Variants in PARD3B observed in about 807,000 individuals in gnomAD.
PARD3B encodes the protein par-3 family cell polarity regulator beta, also known as partitioning defective 3 homolog B.
Under a neutral mutation model 130.2 loss-of-function variants are expected in PARD3B, and 103 were observed. The observed-to-expected ratio is 0.79, with a 90% CI of 0.67 to 0.93. The LOEUF is 0.93. Ranked by LOEUF, PARD3B falls within the 40% of genes least tolerant of loss-of-function variation. The probability of loss-of-function intolerance (pLI) is 0.00; values close to 1 mark genes in which losing one functional copy is unlikely to be tolerated. For missense variants in PARD3B, 1,609 were observed against 1,499.2 expected, an observed-to-expected ratio of 1.07 and a Z score of -1.21; for synonymous variants, 583 against 553.2, an observed-to-expected ratio of 1.05 and a Z score of -0.76.
intron 2 of PARD3B, among the ~76,000 whole-genome samples, chr2:204,960,406 A>T (rs1369497068): frequency 6.6e-6 from 1 of 152,164 alleles, no homozygotes; most frequent in African/African-American, 2.4e-5. Context: ...TTGGAGTATG[A>T]TGTGGCAGAA....
At chr2:205,064,033 A>C (rs982196012) in intron 4 of PARD3B, among the ~76,000 whole-genome samples, 1 of 152,192 alleles carries the variant, frequency 6.6e-6, no homozygotes, top group African/African-American at 2.4e-5. Flanking sequence ...ATTAGTTGGA[A>C]AAGATACTGG....
chr2:205,118,706 G>T (rs1353932033), intron 6 of PARD3B, among the ~76,000 whole-genome samples: 1 of 152,166 alleles, frequency 6.6e-6, no homozygotes, highest in Non-Finnish European at 1.5e-5. Context: ...ATTGATGTTG[G>T]TACTTATGCA....
intron 2 of PARD3B, among the ~76,000 whole-genome samples, chr2:204,803,915 A>G (rs1173944233): frequency 1.3e-5 from 2 of 152,166 alleles, no homozygotes; most frequent in Non-Finnish European, 2.9e-5. Flanking sequence ...CAGATTTGCT[A>G]GGTGGGTTGA....
At chr2:205,051,753 A>C (rs979630527) in intron 4 of PARD3B, among the ~76,000 whole-genome samples, 1 of 152,206 alleles carries the variant, frequency 6.6e-6, no homozygotes, top group Non-Finnish European at 1.5e-5. Flanking sequence ...AAGGGCTTAA[A>C]TTAGAAAAAT....
chr2:205,114,186 G>A (rs995507404), intron 6 of PARD3B, among the ~76,000 whole-genome samples: 34 of 152,040 alleles, frequency 2.2e-4, no homozygotes, highest in African/African-American at 7.5e-4. Context: ...AAATGGCATT[G>A]TAGATCGTAT....
In PARD3B at chr2:204,626,128, A is replaced by G. The variant is rs566594615; in HGVS notation, c.121-60053A>G. ...CTTAAAATTTGGTAGGTGAACAATTAGAAGTAGTAATCCCCATGGACTGAC... is the reference window on the plus strand; with the variant it reads ...CTTAAAATTTGGTAGGTGAACAATTGGAAGTAGTAATCCCCATGGACTGAC... On this transcript the variant is annotated intron_variant, in intron 1 of 22. Transcript: ENST00000406610. 3.3e-5 allele frequency among the ~76,000 whole-genome samples: 5 copies of G among 152,278 alleles called. No individual in the cohort carries two copies. In the South Asian group the frequency reaches 1.0e-3, roughly 32 times the overall value.
intron 6 of PARD3B, among the ~76,000 whole-genome samples, chr2:205,117,751 C>T (rs993642056): frequency 6.6e-6 from 1 of 152,198 alleles, no homozygotes; most frequent in African/African-American, 2.4e-5. Flanking sequence ...TCTTGCAGGA[C>T]ATATCTATCT....
rs914031085 is a variant in PARD3B, at chr2:205,160,823, T to C, written c.1620+1916T>C. On this transcript the variant is annotated intron_variant, in intron 11 of 22. Coordinates refer to ENST00000406610, the MANE Select transcript of PARD3B (RefSeq NM_001302769.2). This position sits in a 1 kb window ranked among gnomAD's most constrained non-coding sequence, Gnocchi z 4.0. ...ATTACAGATTAGACCCTTTAGTGCC[T>C]TTCCTGTGGTCAGATAGCCAGGAAT... 2.0e-5 allele frequency among the ~76,000 whole-genome samples: 3 copies of C among 152,204 alleles called. No homozygotes were observed. Among genetic ancestry groups the C allele is most frequent in the Non-Finnish European group, 2.9e-5 (2 of 68,044 alleles).
rs1035199006 is a variant in PARD3B at position 204,770,095 on chromosome 2, AG to A, written c.222+83816del. Among the ~76,000 whole-genome samples the A allele has an allele frequency of 1.1e-4, 3 of 26,142 alleles. 1 individual carries two copies. The East Asian group carries it at 5.7e-3, about 49-fold the overall frequency. The allele number at this position is 26,142 out of a possible 152,430, so 17.2% of individuals were successfully genotyped here. A position where few individuals can be genotyped will look rare whatever the true frequency, so the allele number is the denominator to read the frequency against. On this transcript the variant is annotated intron_variant, in intron 2 of 22. Coordinates refer to ENST00000406610, the MANE Select transcript of PARD3B (RefSeq NM_001302769.2). ...TTCTAGTTCTTTTAATTGTGATGTT[AG>A]GGTGTCAATTTTGGATCTTTCCTGC... is the stretch of plus-strand genomic sequence containing the variant.
In PARD3B at chr2:205,166,181, A is replaced by G. The variant is rs1189730911; in HGVS notation, c.1621-6030A>G. ...TTCTATAATCTAGGAAGGTAGTAAC[A>G]CAATACATTAAATATATAAAAAACA... On this transcript the variant is annotated intron_variant, in intron 11 of 22. Transcript: ENST00000406610. Among the ~76,000 whole-genome samples the G allele has an allele frequency of 2.0e-5, 3 of 152,246 alleles. No individual in the cohort carries two copies. The East Asian group carries it at 5.8e-4, about 29-fold the overall frequency.
intron 18 of PARD3B, among the ~76,000 whole-genome samples, chr2:205,363,758 G>A (rs761572984): frequency 1.3e-4 from 19 of 151,446 alleles, no homozygotes; most frequent in South Asian, 2.1e-4. Flanking sequence ...TCCGCCTCCC[G>A]GGTTCAAGCA....
intron 21 of PARD3B, among the ~76,000 whole-genome samples, chr2:205,508,017 C>A (rs981508372): frequency 1.3e-5 from 2 of 152,150 alleles, no homozygotes; most frequent in Non-Finnish European, 2.9e-5. Context: ...CAATTCACCC[C>A]AGAACGATCT....
intron 4 of PARD3B, among the ~76,000 whole-genome samples, chr2:205,095,341 C>T (rs1309017480): frequency 1.3e-5 from 2 of 152,076 alleles, no homozygotes; most frequent in South Asian, 2.1e-4. Flanking sequence ...TTGTTTTCCA[C>T]TCTTTTCAGC....
chr2:204,935,380 A>G (rs1183036426), intron 2 of PARD3B, among the ~76,000 whole-genome samples: 1 of 148,700 alleles, frequency 6.7e-6, no homozygotes. Flanking sequence ...ATACAAAAAA[A>G]AAAAAAAAAT....
At chr2:205,330,834 A>G (rs923002056) in intron 18 of PARD3B, among the ~76,000 whole-genome samples, 1 of 152,204 alleles carries the variant, frequency 6.6e-6, no homozygotes, top group East Asian at 1.9e-4. Context: ...GGAAGGAGGT[A>G]GGGAAGAGTT....
intron 1 of PARD3B, among the ~76,000 whole-genome samples, chr2:204,593,068 T>G (rs1264829487): frequency 6.6e-6 from 1 of 152,234 alleles, no homozygotes; most frequent in Non-Finnish European, 1.5e-5. Context: ...TTTATACTTT[T>G]GTTAATTAAG....
intron 2 of PARD3B, among the ~76,000 whole-genome samples, chr2:204,707,894 G>A (rs1428352010): frequency 1.3e-5 from 2 of 152,134 alleles, no homozygotes; most frequent in Non-Finnish European, 2.9e-5. Flanking sequence ...CCCTACTGAA[G>A]ATTGTGGAGC....
Position 205,615,608 on chromosome 2 carries a change from G to C in PARD3B, c.3413G>C (p.Arg1138Pro). ...RPTELRVADL[R>P]YPQHYPPPPA... ...ACAGAGCTCAGGGTGGCAGATCTCC[G>C]GTATCCTCAGCACTACCCACCCCCG... The change falls in exon 23 of 23, where the codon CGG (arginine) becomes CCG (proline). Residue 1138 changes from arginine to proline, a missense_variant. Coordinates refer to ENST00000406610, the MANE Select transcript of PARD3B (RefSeq NM_001302769.2). 6.2e-7 allele frequency: 1 copy of C among 1,613,926 alleles called. No homozygotes were observed. The highest frequency in any genetic ancestry group is 2.2e-5 in the East Asian group (1 of 44,846).
intron 22 of PARD3B, among the ~76,000 whole-genome samples, chr2:205,567,715 T>A (rs965071473): frequency 6.6e-6 from 1 of 151,624 alleles, no homozygotes; most frequent in Non-Finnish European, 1.5e-5. Flanking sequence ...AAAGTCCTCA[T>A]TTTGGTGTCC....
Sources: gnomAD v4.1 joint callset for allele counts (sites outside exome capture counted in the v4.1 genomes callset) on GRCh38, gnomAD v4.1.1 for gene constraint, Gnocchi (gnomAD v3.1) non-coding constraint, MANE v1.5 for transcripts, NCBI Gene and HGNC (gene_info 2026-07-23, HGNC 2026-07-21) for gene names.